ATRN: variants seen among roughly 807,000 people sequenced by gnomAD.
ATRN encodes attractin-2.
ATRN carries 54 observed loss-of-function variants against 178.7 expected under a neutral mutation model. The ratio of observed to expected loss-of-function variants is 0.30; its 90% confidence interval spans 0.24 to 0.38. ATRN has a LOEUF of 0.38. Among genes scored for constraint, ATRN ranks in the 10% least tolerant of loss-of-function variants. The probability of loss-of-function intolerance (pLI) is 1.00; values close to 1 mark genes in which losing one functional copy is unlikely to be tolerated. For synonymous variants in ATRN, 636 were observed against 663.0 expected (o/e 0.96, Z 0.63); for missense variants, 1,443 against 1,815.1 (o/e 0.79, Z 3.73).
chr20:3,614,050 G>A (rs1338073402), intron 24 of ATRN, among the ~76,000 whole-genome samples: 1 of 152,172 alleles, frequency 6.6e-6, no homozygotes, highest in African/African-American at 2.4e-5. Context: ...TAACTGCTGA[G>A]GGAATTTGAA....
At chr20:3,623,189 T>C (rs1170722937) in intron 24 of ATRN, among the ~76,000 whole-genome samples, 1 of 152,220 alleles carries the variant, frequency 6.6e-6, no homozygotes, top group South Asian at 2.1e-4. Flanking sequence ...TCCAGTCTTA[T>C]CTAAAACTTT....
At chr20:3,589,722 GA>G (rs1313072253) in intron 18 of ATRN, among the ~76,000 whole-genome samples, 1 of 151,918 alleles carries the variant, frequency 6.6e-6, no homozygotes, top group Non-Finnish European at 1.5e-5. Context: ...TGATGTCCTG[GA>G]AAAGCTAGCA....
intron 1 of ATRN, among the ~76,000 whole-genome samples, chr20:3,480,274 T>A (rs1166934602): frequency 6.6e-6 from 1 of 152,198 alleles, no homozygotes; most frequent in African/African-American, 2.4e-5. Flanking sequence ...TCAGAGTGAA[T>A]CTCAGGACTT....
intron 1 of ATRN, among the ~76,000 whole-genome samples, chr20:3,527,525 G>A (rs1438623736): frequency 6.6e-6 from 1 of 151,944 alleles, no homozygotes; most frequent in East Asian, 1.9e-4. Flanking sequence ...GTGACTCAAG[G>A]TTCTAGAACC....
chr20:3,512,144 A>G lies in ATRN; in HGVS notation c.411-23109A>G, dbSNP rs986360415. ...TATTATACTTTAAGTTCTAGGGTAC[A>G]TGTGCACAACATGCAGGTTTGTTAC... is the stretch of plus-strand genomic sequence containing the variant. On this transcript the variant is annotated intron_variant, in intron 1 of 28. Coordinates refer to ENST00000262919, the MANE Select transcript of ATRN (RefSeq NM_139321.3). 2.2e-5 allele frequency among the ~76,000 whole-genome samples: 3 copies of G among 138,660 alleles called. No individual in the cohort carries two copies. In the Admixed American group the frequency reaches 2.2e-4, roughly 10 times the overall value. 91.0% of individuals were successfully genotyped at this position (138,660 alleles called of 152,430 possible).
rs1262546520 is a variant in ATRN at position 3,594,579 on chromosome 20, A to G, written c.3416+7A>G. On this transcript the variant is annotated splice_region_variant and intron_variant, in intron 20 of 28. Coordinates refer to ENST00000262919, the MANE Select transcript of ATRN (RefSeq NM_139321.3). ...AGGGGGACGAGTGCCAGCTGTGAGTACCATACTCCCTGGACCACCAGGGAG... is the reference window on the plus strand; with the variant it reads ...AGGGGGACGAGTGCCAGCTGTGAGTGCCATACTCCCTGGACCACCAGGGAG... 6.2e-7 allele frequency: 1 copy of G among 1,608,004 alleles called. No homozygotes were observed. The highest frequency in any genetic ancestry group is 8.5e-7 in the Non-Finnish European group (1 of 1,176,114).
chr20:3,627,096 A>G (rs1346278356), intron 25 of ATRN, among the ~76,000 whole-genome samples: 1 of 152,208 alleles, frequency 6.6e-6, no homozygotes, highest in African/African-American at 2.4e-5. Flanking sequence ...CAAAATGTAT[A>G]TAAATGAAAT....
At chr20:3,547,238 G>A in intron 4 of ATRN, 46 bp from the exon 5 acceptor site, 1 of 1,433,352 alleles carries the variant, frequency 7.0e-7, no homozygotes, top group Non-Finnish European at 9.8e-7. Context: ...TAAGTTAATG[G>A]AAGCGTTGCG....
At chr20:3,519,228 C>T (rs977902662) in intron 1 of ATRN, among the ~76,000 whole-genome samples, 1 of 152,004 alleles carries the variant, frequency 6.6e-6, no homozygotes, top group Non-Finnish European at 1.5e-5. Context: ...GAGTCTTAAC[C>T]TGTGCTTGAG....
intron 1 of ATRN, among the ~76,000 whole-genome samples, chr20:3,525,754 A>T (rs1375539084): frequency 6.6e-6 from 1 of 152,234 alleles, no homozygotes; most frequent in Non-Finnish European, 1.5e-5. Context: ...ACATAACGGA[A>T]ATCAATAAAC....
At chr20:3,605,748 G>A (rs923926471) in intron 24 of ATRN, among the ~76,000 whole-genome samples, 1 of 152,156 alleles carries the variant, frequency 6.6e-6, no homozygotes, top group Non-Finnish European at 1.5e-5. Flanking sequence ...GGGCCTATTG[G>A]AGAGTGATGG....
intron 28 of ATRN, among the ~76,000 whole-genome samples, chr20:3,646,282 G>C (rs548315894): frequency 3.9e-5 from 6 of 152,116 alleles, no homozygotes; most frequent in East Asian, 1.9e-4. Flanking sequence ...GTCATAAAGC[G>C]TGCTGCTGTT....
At chr20:3,478,551 G>A (rs1169098977) in intron 1 of ATRN, among the ~76,000 whole-genome samples, 5 of 152,108 alleles carry the variant, frequency 3.3e-5, no homozygotes, top group Non-Finnish European at 7.4e-5. Flanking sequence ...AGGGGGATAG[G>A]GGAGGGATAG....
chr20:3,491,680 G>A (rs2084795998), intron 1 of ATRN, among the ~76,000 whole-genome samples: 2 of 152,112 alleles, frequency 1.3e-5, no homozygotes, highest in Admixed American at 1.3e-4. Context: ...CTTAGCATTT[G>A]TATGAGACCA....
At chr20:3,626,811 C>G (rs1284908815) in intron 25 of ATRN, among the ~76,000 whole-genome samples, 1 of 114,140 alleles carries the variant, frequency 8.8e-6, no homozygotes, top group East Asian at 2.4e-4. Flanking sequence ...GAAACTTAGT[C>G]TCTCTCTGTC....
At chr20:3,500,701 G>A (rs926912772) in intron 1 of ATRN, among the ~76,000 whole-genome samples, 1 of 116,282 alleles carries the variant, frequency 8.6e-6, no homozygotes, top group African/African-American at 3.2e-5. Context: ...TGGGGGGAGG[G>A]GGGAGGGATA....
chr20:3,503,101 G>T (rs148433279), intron 1 of ATRN, among the ~76,000 whole-genome samples: 276 of 152,108 alleles, frequency 1.8e-3, no homozygotes, highest in Non-Finnish European at 2.4e-3. Flanking sequence ...GGCAGTGCCA[G>T]CAGAGACCAA....
At chr20:3,626,029 C>T (rs973122073) in intron 25 of ATRN, among the ~76,000 whole-genome samples, 2 of 151,968 alleles carry the variant, frequency 1.3e-5, no homozygotes, top group African/African-American at 2.4e-5. Flanking sequence ...CTCAGGAGTT[C>T]GAGACCAGCC....
rs1316215063 is a variant in ATRN at position 3,649,396 on chromosome 20, GTC to G, written c.*2551_*2552del. The G allele has an allele frequency of 1.2e-4, 19 of 152,532 alleles. No individual in the cohort carries two copies. Among genetic ancestry groups the G allele is most frequent in the African/African-American group, 4.3e-4 (18 of 41,434 alleles). The allele number at this position is 152,532 out of a possible 1,614,324, so 9.4% of individuals were successfully genotyped here. ...ATGTATTTTTATTAAATATAACAAT[GTC>G]TGAGTTTCACCTAAGATGTTTTTGT... On this transcript the variant is annotated 3_prime_UTR_variant, in exon 29 of 29. Transcript: ENST00000262919.
Sources: gnomAD v4.1 joint callset for allele counts (sites outside exome capture counted in the v4.1 genomes callset) on GRCh38, gnomAD v4.1.1 for gene constraint, MANE v1.5 for transcripts, NCBI Gene and HGNC (gene_info 2026-07-23, HGNC 2026-07-21) for gene names.